OXSR1: variants seen among roughly 807,000 people sequenced by gnomAD.
OXSR1 encodes oxidative stress responsive kinase 1.
OXSR1 carries 24 observed loss-of-function variants against 79.8 expected under a neutral mutation model. The observed-to-expected ratio is 0.30, with a 90% CI of 0.22 to 0.42. The LOEUF is 0.42. OXSR1 is among the 10% of genes least tolerant of loss of function. The probability of loss-of-function intolerance (pLI) is 1.00; values close to 1 mark genes in which losing one functional copy is unlikely to be tolerated. For missense variants in OXSR1, 430 were observed against 618.4 expected (o/e 0.70, Z 3.23); for synonymous variants, 226 against 209.2 (o/e 1.08, Z -0.69).
At chr3:38,174,983 T>C (rs1439036112) in intron 1 of OXSR1, among the ~76,000 whole-genome samples, 2 of 152,218 alleles carry the variant, frequency 1.3e-5, no homozygotes, top group African/African-American at 4.8e-5. Flanking sequence ...TGATGACTAT[T>C]CTTACAGATG....
Position 38,208,992 on chromosome 3 carries a change from G to A in OXSR1, c.435-7104G>A, listed in dbSNP as rs540256166. Among the ~76,000 whole-genome samples, 1,075 of 152,224 alleles carry A rather than the reference G, an allele frequency of 7.1e-3. 17 individuals are homozygous for A. Among genetic ancestry groups the A allele is most frequent in the African/African-American group, 0.025 (1,029 of 41,526 alleles). On this transcript the variant is annotated intron_variant, in intron 4 of 17. Transcript: ENST00000311806. ...TGTGTGTGTGTGTGTGTGTGCGCGC[G>A]CGCGTGCGCGCATGTGCATGTTTGG...
rs1409287792 is a variant in OXSR1 at position 38,253,060 on chromosome 3, G to A, written c.*169G>A. ...CCATCATTCCTCCTTTTCCCACAGG[G>A]AAAGAAAAGTTGGATCACTAGTGGC... On this transcript the variant is annotated 3_prime_UTR_variant, in exon 18 of 18. Transcript: ENST00000311806. 3 of 606,336 alleles carry A rather than the reference G, an allele frequency of 4.9e-6. No homozygotes were observed. The African/African-American group carries it at 5.6e-5, about 11-fold the overall frequency. The allele number at this position is 606,336 out of a possible 1,614,324, so 37.6% of individuals were successfully genotyped here. A position where few individuals can be genotyped will look rare whatever the true frequency, so the allele number is the denominator to read the frequency against.
intron 4 of OXSR1, among the ~76,000 whole-genome samples, chr3:38,213,891 CTTTA>C (rs927522352): frequency 3.9e-5 from 6 of 152,116 alleles, no homozygotes; most frequent in Non-Finnish European, 8.8e-5. Context: ...TGGCCACATA[CTTTA>C]TTTAGCATTC....
chr3:38,236,973 T>G lies in OXSR1; in HGVS notation c.1074+12T>G, dbSNP rs998324349. On this transcript the variant is annotated intron_variant, in intron 11 of 17. Coordinates refer to ENST00000311806, the MANE Select transcript of OXSR1 (RefSeq NM_005109.3). ...TTTCACAACTCAGGGTAAATTTTAT[T>G]AAACTGTGTACTTTAGCTAGAACTT... 2 of 1,608,502 alleles carry G rather than the reference T, an allele frequency of 1.2e-6. No individual in the cohort carries two copies. The highest frequency in any genetic ancestry group is 1.7e-5 in the Admixed American group (1 of 59,648).
At chr3:38,171,126 ACCTGTCACGTCCTT>A (rs1451064077) in intron 1 of OXSR1, among the ~76,000 whole-genome samples, 2 of 152,072 alleles carry the variant, frequency 1.3e-5, no homozygotes, top group Non-Finnish European at 1.5e-5. Flanking sequence ...GATGTTCCAC[ACCTGTCACGTCCTT>A]CCAGTCTGCT....
intron 4 of OXSR1, among the ~76,000 whole-genome samples, chr3:38,213,681 C>G (rs936987345): frequency 3.9e-5 from 6 of 152,164 alleles, no homozygotes; most frequent in African/African-American, 1.4e-4. Flanking sequence ...TGTGCACTAA[C>G]TTCTCAACTT....
chr3:38,201,640 A>T (rs1303782495), intron 4 of OXSR1, among the ~76,000 whole-genome samples: 1 of 151,522 alleles, frequency 6.6e-6, no homozygotes, highest in Non-Finnish European at 1.5e-5. Flanking sequence ...AACCTGGGAG[A>T]CGGAGCTTGT....
chr3:38,217,515 TTTTG>T (rs549586666), intron 5 of OXSR1, among the ~76,000 whole-genome samples: 145 of 152,112 alleles, frequency 9.5e-4, no homozygotes, highest in African/African-American at 2.7e-3. Flanking sequence ...AATACCGGGT[TTTTG>T]TTTGTTTGTT....
intron 1 of OXSR1, among the ~76,000 whole-genome samples, chr3:38,173,719 C>T (rs1297085618): frequency 1.3e-5 from 2 of 152,166 alleles, no homozygotes; most frequent in African/African-American, 4.8e-5. Context: ...ATATACCCCA[C>T]TATGTGATTA....
In OXSR1 at chr3:38,193,386, T is replaced by C. The variant is rs1171966813; in HGVS notation, c.292+2547T>C. 4 of 1,288,702 alleles carry C rather than the reference T, an allele frequency of 3.1e-6. No individual in the cohort carries two copies. The East Asian group carries it at 2.2e-4, about 71-fold the overall frequency. The allele number at this position is 1,288,702 out of a possible 1,614,324, so 79.8% of individuals were successfully genotyped here. On this transcript the variant is annotated intron_variant, in intron 3 of 17. Transcript: ENST00000311806. ...CTTTCAAGATGGTGGTCAAGCATGG[T>C]TCTTTCAGTATGGAGAGATATGGGA...
intron 1 of OXSR1, among the ~76,000 whole-genome samples, chr3:38,167,737 G>T (rs146835170): frequency 6.6e-6 from 1 of 152,148 alleles, no homozygotes; most frequent in Non-Finnish European, 1.5e-5. Context: ...ACATGTATTC[G>T]TTGGTTCTAA....
intron 16 of OXSR1, 72 bp from the exon 17 acceptor site, chr3:38,252,256 C>A: frequency 1.9e-6 from 2 of 1,061,730 alleles, no homozygotes; most frequent in Non-Finnish European, 1.5e-6. Flanking sequence ...ACCATTTAAG[C>A]TTTTAAAATA....
At chr3:38,219,364 C>G (rs537386654) in intron 5 of OXSR1, among the ~76,000 whole-genome samples, 4 of 152,104 alleles carry the variant, frequency 2.6e-5, no homozygotes, top group Admixed American at 2.0e-4. Context: ...ATAATTCAAC[C>G]TAAAAAATAT....
intron 10 of OXSR1, 69 bp downstream of exon 10, chr3:38,230,499 G>A (rs771358090): frequency 1.2e-5 from 12 of 976,118 alleles, no homozygotes; most frequent in Middle Eastern, 2.4e-4. Context: ...AACATGTTAA[G>A]TAATACATTG....
At chr3:38,226,871 T>A (rs569365687) in intron 8 of OXSR1, among the ~76,000 whole-genome samples, 54 of 151,482 alleles carry the variant, frequency 3.6e-4, no homozygotes, top group African/African-American at 1.3e-3. Flanking sequence ...GTGGAAAAAC[T>A]GGAGAAATGG....
At chr3:38,248,367 G>A (rs1473694658) in intron 14 of OXSR1, among the ~76,000 whole-genome samples, 1 of 136,842 alleles carries the variant, frequency 7.3e-6, no homozygotes, top group Non-Finnish European at 1.5e-5. Flanking sequence ...CTAGTAGCTG[G>A]ATTCAAATTC....
chr3:38,224,880 A>G (rs1444872703), intron 8 of OXSR1, 176 bp downstream of exon 8: 5 of 488,008 alleles, frequency 1.0e-5, no homozygotes, highest in South Asian at 2.8e-5. Context: ...CCTTCTTTGT[A>G]GTATACAGTG....
At chr3:38,178,622 T>TA (rs1559501065) in intron 1 of OXSR1, among the ~76,000 whole-genome samples, 8,208 of 67,890 alleles carry the variant, frequency 0.12, 134 homozygotes, top group East Asian at 0.18. Flanking sequence ...ATATATATAT[T>TA]TTTTTTTTTT....
intron 10 of OXSR1, among the ~76,000 whole-genome samples, chr3:38,233,549 A>G (rs1396371473): frequency 1.3e-5 from 2 of 152,226 alleles, no homozygotes; most frequent in Non-Finnish European, 2.9e-5. Flanking sequence ...ACAGAAAAAA[A>G]GAGAAACTTA....
Sources: allele counts gnomAD v4.1 joint callset (sites outside exome capture counted in the v4.1 genomes callset), GRCh38; gene constraint gnomAD v4.1.1; transcripts MANE v1.5; gene names NCBI Gene and HGNC (gene_info 2026-07-23, HGNC 2026-07-21).